The following NEBL variants were observed in gnomAD, a reference collection of about 807,000 sequenced individuals.
NEBL encodes the protein nebulette.
Under a neutral mutation model 140.2 loss-of-function variants are expected in NEBL, and 122 were observed. The ratio of observed to expected loss-of-function variants is 0.87; its 90% CI spans 0.75 to 1.01. NEBL has a LOEUF of 1.01. Ranked by LOEUF, NEBL falls within the 50% of genes least tolerant of loss-of-function variation. The probability of loss-of-function intolerance (pLI) is 0.00; values close to 1 mark genes in which losing one functional copy is unlikely to be tolerated. For missense variants in NEBL, 1,365 were observed against 1,231.3 expected (o/e 1.11, Z -1.62); for synonymous variants, 436 against 398.9 (o/e 1.09, Z -1.11).
At chr10:21,240,958 A>G (rs1213898831) in intron 3 of NEBL, among the ~76,000 whole-genome samples, 1 of 150,762 alleles carries the variant, frequency 6.6e-6, no homozygotes, top group Non-Finnish European at 1.5e-5. Context: ...AACCAGTATC[A>G]AACTGTCTAC....
chr10:20,904,726 T>C (rs1848018116), intron 4 of NEBL, among the ~76,000 whole-genome samples: 1 of 152,228 alleles, frequency 6.6e-6, no homozygotes, highest in Non-Finnish European at 1.5e-5. Flanking sequence ...AAGTTCTTGC[T>C]TGAAAAGCAT....
intron 3 of NEBL, among the ~76,000 whole-genome samples, chr10:21,221,412 T>C (rs971410960): frequency 3.6e-4 from 55 of 152,310 alleles, no homozygotes; most frequent in African/African-American, 1.2e-3. Context: ...TAAACTATCA[T>C]TCAATGAGAC....
At chr10:21,018,700 C>G (rs1294166330) in intron 3 of NEBL, among the ~76,000 whole-genome samples, 1 of 152,082 alleles carries the variant, frequency 6.6e-6, no homozygotes, top group Non-Finnish European at 1.5e-5. Context: ...GGAAATGATT[C>G]AATCCCAAGC....
chr10:20,972,953 A>G (rs557015113), intron 3 of NEBL, among the ~76,000 whole-genome samples: 231 of 152,252 alleles, frequency 1.5e-3, no homozygotes, highest in African/African-American at 5.3e-3. Flanking sequence ...CTATGTTACA[A>G]CTAGAAATAG....
chr10:20,998,326 A>T (rs186047993), intron 3 of NEBL, among the ~76,000 whole-genome samples: 74 of 152,300 alleles, frequency 4.9e-4, no homozygotes, highest in African/African-American at 1.7e-3. Context: ...CAATCATGCT[A>T]ACCTAAGAAA....
chr10:20,837,213 A>C (rs1179290188), intron 13 of NEBL, among the ~76,000 whole-genome samples: 1 of 152,128 alleles, frequency 6.6e-6, no homozygotes, highest in African/African-American at 2.4e-5. Context: ...CAGTTATTCG[A>C]GTTGTGAATG....
intron 3 of NEBL, among the ~76,000 whole-genome samples, chr10:20,982,794 T>G (rs1837105469): frequency 6.6e-6 from 1 of 152,174 alleles, no homozygotes. Context: ...TCAACCATAG[T>G]GTTGTTTAGT....
At chr10:21,018,174 G>C (rs963732106) in intron 3 of NEBL, among the ~76,000 whole-genome samples, 3 of 152,086 alleles carry the variant, frequency 2.0e-5, no homozygotes, top group African/African-American at 7.2e-5. Flanking sequence ...TCATTCCAAG[G>C]TGTGTGTTAG....
chr10:20,941,827 TC>T (rs1448688572), intron 4 of NEBL, among the ~76,000 whole-genome samples: 3 of 151,912 alleles, frequency 2.0e-5, no homozygotes, highest in African/African-American at 7.3e-5. Context: ...ATGAGTGAAG[TC>T]CCATTCACAA....
At chr10:20,902,654 G>A (rs77577043) in intron 4 of NEBL, among the ~76,000 whole-genome samples, 24 of 152,048 alleles carry the variant, frequency 1.6e-4, no homozygotes, top group African/African-American at 4.3e-4. Flanking sequence ...TTAACATAGC[G>A]CCCATTGAGC....
chr10:20,838,577 G>A (rs1057172990), intron 13 of NEBL, among the ~76,000 whole-genome samples: 3 of 152,164 alleles, frequency 2.0e-5, no homozygotes, highest in Non-Finnish European at 4.4e-5. Flanking sequence ...GCAGCAATGG[G>A]TTTGAGAGGT....
At chr10:21,255,367 G>A (rs1413559396) in intron 1 of NEBL, among the ~76,000 whole-genome samples, 2 of 152,050 alleles carry the variant, frequency 1.3e-5, no homozygotes, top group Non-Finnish European at 2.9e-5. Flanking sequence ...GCTGACTCGG[G>A]TATTGCGAGC....
At chr10:21,148,834 C>T (rs1840021731) in intron 2 of NEBL, among the ~76,000 whole-genome samples, 1 of 152,056 alleles carries the variant, frequency 6.6e-6, no homozygotes, top group Non-Finnish European at 1.5e-5. Context: ...CCCCTGTCCT[C>T]CTTTTGTCTG....
intron 3 of NEBL, among the ~76,000 whole-genome samples, chr10:21,192,400 G>T (rs1841587852): frequency 6.6e-6 from 1 of 151,440 alleles, no homozygotes; most frequent in South Asian, 2.1e-4. Context: ...CACCTTGTTA[G>T]CCAGGATGGT....
At chr10:20,939,502 G>A (rs954243126) in intron 4 of NEBL, among the ~76,000 whole-genome samples, 20 of 152,288 alleles carry the variant, frequency 1.3e-4, no homozygotes, top group East Asian at 3.9e-4. Flanking sequence ...AAAGACCATC[G>A]AGGCTAGGAA....
chr10:20,849,446 G>A (rs899971331), intron 11 of NEBL, among the ~76,000 whole-genome samples: 3 of 152,160 alleles, frequency 2.0e-5, no homozygotes, highest in Non-Finnish European at 4.4e-5. Context: ...GTTGGGGGGT[G>A]GGAACTCTAA....
At chr10:21,110,884 C>A (rs3864841) in intron 2 of NEBL, 2 of 596,688 alleles carry the variant, frequency 3.4e-6, no homozygotes, top group Admixed American at 2.0e-5. Flanking sequence ...AGTAACACTG[C>A]CAACTTTGAA....
chr10:20,799,740 TAAAATAGAAACACC>T (rs1554772462), intron 26 of NEBL, among the ~76,000 whole-genome samples: 1 of 152,194 alleles, frequency 6.6e-6, no homozygotes, highest in Non-Finnish European at 1.5e-5. Flanking sequence ...AAGCAGTGGC[TAAAATAGAAACACC>T]AGCAAGTTTA....
chr10:21,292,388 G>A (rs1012664013), intron 1 of NEBL, among the ~76,000 whole-genome samples: 3 of 152,130 alleles, frequency 2.0e-5, no homozygotes, highest in East Asian at 1.9e-4. Flanking sequence ...GGAATTGCAC[G>A]ATCATCTTAT....
Sources: gnomAD v4.1 joint callset for allele counts (sites outside exome capture counted in the v4.1 genomes callset) on GRCh38, gnomAD v4.1.1 for gene constraint, MANE v1.5 for transcripts, NCBI Gene and HGNC (gene_info 2026-07-23, HGNC 2026-07-21) for gene names.